ST18: variants seen among roughly 807,000 people sequenced by gnomAD.
The protein encoded by ST18 is suppression of tumorigenicity 18 protein.
ST18 carries 50 observed loss-of-function variants against 110.0 expected under a neutral mutation model. That is an observed-to-expected ratio of 0.45 (90% confidence interval 0.36 to 0.58). ST18 has a LOEUF of 0.58. Among genes scored for constraint, ST18 ranks in the 20% least tolerant of loss-of-function variants. ST18 has a pLI of 0.00. For missense variants in ST18, 1,306 were observed against 1,280.1 expected, an observed-to-expected ratio of 1.02 and a Z score of -0.31; for synonymous variants, 461 against 452.4, an observed-to-expected ratio of 1.02 and a Z score of -0.24.
rs553796406 is a variant in ST18 at position 52,308,625 on chromosome 8, A to T, written c.-464-78548T>A. 7.2e-5 allele frequency among the ~76,000 whole-genome samples: 11 copies of T among 152,386 alleles called. No homozygotes were observed. The South Asian group carries it at 2.1e-3, about 29-fold the overall frequency. ...ACCTCTCCTTGAATTTCATTGAAGT[A>T]CATGAGTCACATGCCCCCTTCCTGA... On this transcript the variant is annotated intron_variant, in intron 2 of 25. Coordinates refer to ENST00000689386, the MANE Select transcript of ST18 (RefSeq NM_001352837.2).
chr8:52,232,112 G>C (rs2091562937), intron 2 of ST18, among the ~76,000 whole-genome samples: 1 of 152,198 alleles, frequency 6.6e-6, no homozygotes, highest in South Asian at 2.1e-4. Context: ...TACCCACATA[G>C]AGCAGAAGCA....
chr8:52,332,414 G>A (rs977164953), intron 2 of ST18, among the ~76,000 whole-genome samples: 1 of 150,558 alleles, frequency 6.6e-6, no homozygotes, highest in Non-Finnish European at 1.5e-5. Context: ...TTCAAGAGAA[G>A]AGAATTCTCT....
At chr8:52,274,466 T>C (rs1589514896) in intron 2 of ST18, among the ~76,000 whole-genome samples, 1 of 142,698 alleles carries the variant, frequency 7.0e-6, no homozygotes, top group Non-Finnish European at 1.5e-5. Flanking sequence ...CAAGCAAAAT[T>C]CCAGTAATGA....
At chr8:52,330,704 G>C (rs1228428745) in intron 2 of ST18, among the ~76,000 whole-genome samples, 1 of 152,234 alleles carries the variant, frequency 6.6e-6, no homozygotes, top group Non-Finnish European at 1.5e-5. Context: ...GTGCTCACCT[G>C]GCAGGTGATG....
intron 15 of ST18, among the ~76,000 whole-genome samples, chr8:52,151,200 T>C (rs988410318): frequency 6.6e-6 from 1 of 151,784 alleles, no homozygotes; most frequent in Admixed American, 6.6e-5. Flanking sequence ...AACCCCCCAC[T>C]CCCAACCCCC....
chr8:52,266,602 C>T lies in ST18; in HGVS notation c.-464-36525G>A, dbSNP rs939304666. 2.1e-5 allele frequency among the ~76,000 whole-genome samples: 3 copies of T among 145,602 alleles called. No individual in the cohort carries two copies. The South Asian group carries it at 6.5e-4, about 32-fold the overall frequency. ...TGTTGCCCAGGCTGGAGTGCAGTGG[C>T]GTGATCTCGGCTCACTGCAGCCTCC... On this transcript the variant is annotated intron_variant, in intron 2 of 25. Transcript: ENST00000689386.
intron 2 of ST18, among the ~76,000 whole-genome samples, chr8:52,241,530 C>T (rs1278026678): frequency 1.3e-5 from 2 of 152,206 alleles, no homozygotes. Flanking sequence ...AACAACAACC[C>T]AGACAAGGTT....
intron 2 of ST18, among the ~76,000 whole-genome samples, chr8:52,320,651 G>T (rs771819903): frequency 6.6e-6 from 1 of 152,182 alleles, no homozygotes; most frequent in Admixed American, 6.5e-5. Context: ...TGAAACTACC[G>T]TGAGATACTA....
chr8:52,200,670 C>T (rs191546469), intron 8 of ST18, among the ~76,000 whole-genome samples: 47 of 152,230 alleles, frequency 3.1e-4, no homozygotes, highest in Admixed American at 2.1e-3. Flanking sequence ...GAGTGAGCCG[C>T]GATGGCTTAG....
intron 2 of ST18, among the ~76,000 whole-genome samples, chr8:52,265,973 G>T (rs949681139): frequency 6.6e-6 from 1 of 152,160 alleles, no homozygotes; most frequent in Non-Finnish European, 1.5e-5. Context: ...AGAGGAGGCT[G>T]AGCAGAAGTC....
chr8:52,192,493 C>T (rs2074865302), intron 8 of ST18, among the ~76,000 whole-genome samples: 1 of 152,222 alleles, frequency 6.6e-6, no homozygotes, highest in Non-Finnish European at 1.5e-5. Flanking sequence ...TACTATCACA[C>T]ACCACAGAGC....
intron 2 of ST18, among the ~76,000 whole-genome samples, chr8:52,241,026 T>C (rs989652190): frequency 1.3e-5 from 2 of 152,248 alleles, no homozygotes; most frequent in African/African-American, 4.8e-5. Context: ...CTCTTCCTTC[T>C]GAATCTCCTA....
At position 52,388,895 on chromosome 8, in the gene ST18, G is replaced by T. The variant is rs550786995; in HGVS notation, c.-465+20433C>A. 6.9e-4 allele frequency among the ~76,000 whole-genome samples: 103 copies of T among 150,064 alleles called. 1 individual carries two copies. Among genetic ancestry groups the T allele is most frequent in the Middle Eastern group, 6.9e-3 (2 of 288 alleles). ...ATGAGTTAATGGGTGCAGCACACCA[G>T]CATGGCACATGTATACATATGTAAC... On this transcript the variant is annotated intron_variant, in intron 2 of 25. Coordinates refer to ENST00000689386, the MANE Select transcript of ST18 (RefSeq NM_001352837.2).
chr8:52,180,804 AG>A (rs751171922), intron 8 of ST18, among the ~76,000 whole-genome samples: 3 of 152,218 alleles, frequency 2.0e-5, no homozygotes, highest in Non-Finnish European at 4.4e-5. Flanking sequence ...CTTAAAAGAA[AG>A]GAGTACAGAG....
At chr8:52,331,910 CCTCTT>C (rs1263268488) in intron 2 of ST18, among the ~76,000 whole-genome samples, 1 of 152,100 alleles carries the variant, frequency 6.6e-6, no homozygotes, top group Admixed American at 6.6e-5. Context: ...ATGAAGGACT[CCTCTT>C]CTCACATTCT....
chr8:52,249,531 T>A (rs1249378665), intron 2 of ST18: 1 of 152,162 alleles, frequency 6.6e-6, no homozygotes, highest in Non-Finnish European at 1.5e-5. Context: ...TTTGTGTCAT[T>A]TACTTAACGA....
chr8:52,343,083 G>T (rs1190347067), intron 2 of ST18, among the ~76,000 whole-genome samples: 1 of 152,106 alleles, frequency 6.6e-6, no homozygotes, highest in African/African-American at 2.4e-5. Flanking sequence ...GCAAGCAGGT[G>T]CAGCGTTTGT....
rs1829309963 is a variant in ST18, at chr8:52,369,196, ATTC to A, written c.-465+40129_-465+40131del. 2.0e-5 allele frequency among the ~76,000 whole-genome samples: 3 copies of A among 152,294 alleles called. No individual in the cohort carries two copies. In the South Asian group the frequency reaches 6.2e-4, roughly 32 times the overall value. On this transcript the variant is annotated intron_variant, in intron 2 of 25. Transcript: ENST00000689386. The stretch of plus-strand genomic sequence containing the variant: ...AGACTGCTAATTGACCTCCAAACAA[ATTC>A]TTCTTCTTTTTCTAATGTAATAAGG...
chr8:52,164,205 T>C, intron 12 of ST18, 115 bp from the exon 13 acceptor site: 4 of 860,212 alleles, frequency 4.7e-6, no homozygotes, highest in Non-Finnish European at 7.6e-6. Flanking sequence ...TATTAATAGT[T>C]CACTTAGCAC....
Sources: allele counts gnomAD v4.1 joint callset (sites outside exome capture counted in the v4.1 genomes callset), GRCh38; gene constraint gnomAD v4.1.1; transcripts MANE v1.5; gene names NCBI Gene and HGNC (gene_info 2026-07-23, HGNC 2026-07-21).